NELL1: variants seen among roughly 807,000 people sequenced by gnomAD.
The protein encoded by NELL1 is neural EGFL like 1.
Under a neutral mutation model 107.4 loss-of-function variants are expected in NELL1, and 76 were observed. That is an observed-to-expected ratio of 0.71 (90% CI 0.59 to 0.86). The LOEUF is 0.86. NELL1 is among the 40% of genes least tolerant of loss of function. The pLI is 0.00. For missense variants in NELL1, 1,024 were observed against 1,005.5 expected, an observed-to-expected ratio of 1.02 and a Z score of -0.25; for synonymous variants, 353 against 341.2, an observed-to-expected ratio of 1.03 and a Z score of -0.38.
intron 15 of NELL1, among the ~76,000 whole-genome samples, chr11:21,517,573 T>C (rs1040736791): frequency 4.6e-5 from 7 of 152,174 alleles, no homozygotes; most frequent in Admixed American, 6.5e-5. Context: ...TGGTAGCGTA[T>C]AGACATGTCA....
chr11:21,069,484 G>T (rs1215769391), intron 12 of NELL1, among the ~76,000 whole-genome samples: 1 of 152,128 alleles, frequency 6.6e-6, no homozygotes, highest in African/African-American at 2.4e-5. Context: ...ACTTAATAGA[G>T]GGACTGGCAC....
chr11:20,843,035 C>A (rs1339282031), intron 3 of NELL1, among the ~76,000 whole-genome samples: 1 of 152,020 alleles, frequency 6.6e-6, no homozygotes, highest in Non-Finnish European at 1.5e-5. Context: ...AGGCACTATG[C>A]TGGGAAACTT....
chr11:20,891,657 G>A (rs1170068548), intron 5 of NELL1, among the ~76,000 whole-genome samples: 1 of 152,080 alleles, frequency 6.6e-6, no homozygotes, highest in East Asian at 1.9e-4. Context: ...AAAATAAAGG[G>A]ATGGAGGAAA....
chr11:21,276,300 G>T (rs1848857754), intron 14 of NELL1, among the ~76,000 whole-genome samples: 1 of 152,120 alleles, frequency 6.6e-6, no homozygotes, highest in Non-Finnish European at 1.5e-5. Flanking sequence ...ATTCACAATT[G>T]CTTCAAAGAG....
At chr11:20,894,619 C>T (rs1294045093) in intron 5 of NELL1, among the ~76,000 whole-genome samples, 1 of 152,124 alleles carries the variant, frequency 6.6e-6, no homozygotes, top group Non-Finnish European at 1.5e-5. Flanking sequence ...CAGACCATAC[C>T]ATGTATTTGC....
intron 14 of NELL1, among the ~76,000 whole-genome samples, chr11:21,330,838 A>G (rs1490501798): frequency 2.6e-5 from 4 of 151,934 alleles, no homozygotes; most frequent in Non-Finnish European, 5.9e-5. Flanking sequence ...TTCTTCTGGC[A>G]CCCCAATTTT....
chr11:20,720,485 A>G (rs1850874), intron 2 of NELL1, among the ~76,000 whole-genome samples: 107,244 of 152,030 alleles, frequency 0.71, 40,958 homozygotes, highest in East Asian at 0.95. Flanking sequence ...GGGATTACAG[A>G]CATGAGCCAC....
At chr11:20,682,515 T>C (rs924409818) in intron 2 of NELL1, among the ~76,000 whole-genome samples, 27 of 152,042 alleles carry the variant, frequency 1.8e-4, no homozygotes, top group African/African-American at 6.0e-4. Flanking sequence ...AATTTAAAGT[T>C]AAAAACGTAG....
rs144190498 is a variant in NELL1, at chr11:21,179,525, T to C, written c.1427-49807T>C. On this transcript the variant is annotated intron_variant, in intron 13 of 19. Transcript: ENST00000357134. The stretch of plus-strand genomic sequence containing the variant: ...GGTGAGCACAGGCATGTTTTTAGTA[T>C]GGCAAAGGAAAGTGCAAGACAAGCG... Among the ~76,000 whole-genome samples the C allele has an allele frequency of 3.3e-3, 508 of 151,998 alleles. 2 individuals are homozygous for C. Among genetic ancestry groups the C allele is most frequent in the Non-Finnish European group, 5.6e-3 (379 of 68,028 alleles).
At chr11:21,309,477 A>G (rs1157339827) in intron 14 of NELL1, among the ~76,000 whole-genome samples, 1 of 151,712 alleles carries the variant, frequency 6.6e-6, no homozygotes, top group African/African-American at 2.4e-5. Flanking sequence ...TACCCCTTCC[A>G]AATTGAATGA....
At chr11:21,560,075 C>T (rs1365143466) in intron 16 of NELL1, 114 bp from the exon 17 acceptor site, 15 of 982,478 alleles carry the variant, frequency 1.5e-5, no homozygotes, top group Non-Finnish European at 2.1e-5. Context: ...CTTGGCAGTA[C>T]CTAGCACAAG....
At chr11:21,081,400 T>C (rs1029775604) in intron 12 of NELL1, among the ~76,000 whole-genome samples, 2 of 152,150 alleles carry the variant, frequency 1.3e-5, no homozygotes, top group Non-Finnish European at 2.9e-5. Flanking sequence ...TTCCCCCCTA[T>C]AAACGAAGGT....
At chr11:20,968,017 A>G (rs1444526409) in intron 12 of NELL1, among the ~76,000 whole-genome samples, 2 of 152,136 alleles carry the variant, frequency 1.3e-5, no homozygotes, top group African/African-American at 2.4e-5. Flanking sequence ...CCCTTCACTC[A>G]GATCTTTCCA....
At chr11:20,874,039 G>T (rs1012072799) in intron 4 of NELL1, among the ~76,000 whole-genome samples, 2 of 151,610 alleles carry the variant, frequency 1.3e-5, no homozygotes, top group Admixed American at 1.3e-4. Flanking sequence ...TGCTGGGATT[G>T]CAGGCATGAG....
At chr11:21,358,565 A>ATTTTTTTTTTTT (rs75578174) in intron 14 of NELL1, among the ~76,000 whole-genome samples, 1 of 97,674 alleles carries the variant, frequency 1.0e-5, no homozygotes, top group African/African-American at 3.7e-5. Context: ...TGCCCTGATA[A>ATTTTTTTTTTTT]TTTTTTTTTT....
chr11:21,575,099 T>C lies in NELL1; in HGVS notation c.*77T>C. The C allele has an allele frequency of 1.5e-6, 2 of 1,305,458 alleles. No homozygotes were observed. Among genetic ancestry groups the C allele is most frequent in the South Asian group, 2.4e-5 (2 of 83,120 alleles). The allele number at this position is 1,305,458 out of a possible 1,614,324, so 80.9% of individuals were successfully genotyped here. ...GTGATTAAGGATAGGAATCGGTAGT[T>C]TGGTTTTTTTGTTTGTTTTGTTTTT... On this transcript the variant is annotated 3_prime_UTR_variant, in exon 20 of 20. Transcript: ENST00000357134.
rs116056719 is a variant in NELL1, at chr11:20,822,185, G to A, written c.336-25398G>A. 4.7e-3 allele frequency among the ~76,000 whole-genome samples: 713 copies of A among 152,290 alleles called. 9 individuals are homozygous for A. The highest frequency in any genetic ancestry group is 0.016 in the African/African-American group (682 of 41,556). On this transcript the variant is annotated intron_variant, in intron 3 of 19. Coordinates refer to ENST00000357134, the MANE Select transcript of NELL1 (RefSeq NM_006157.5). ...GAATGACTCATAGGCAAAATAGTAG[G>A]TTGGAAACCAGGCAGACAGACTCCA...
At chr11:21,059,469 C>T (rs1476593049) in intron 12 of NELL1, among the ~76,000 whole-genome samples, 1 of 152,024 alleles carries the variant, frequency 6.6e-6, no homozygotes, top group African/African-American at 2.4e-5. Context: ...CTTTGCTCTT[C>T]TCTTGGATTT....
At chr11:21,483,144 T>G (rs1489664401) in intron 15 of NELL1, among the ~76,000 whole-genome samples, 1 of 152,156 alleles carries the variant, frequency 6.6e-6, no homozygotes, top group Non-Finnish European at 1.5e-5. Context: ...CAGGTACTTA[T>G]AGTATAGTAT....
Sources: allele counts gnomAD v4.1 joint callset (sites outside exome capture counted in the v4.1 genomes callset), GRCh38; gene constraint gnomAD v4.1.1; transcripts MANE v1.5; gene names NCBI Gene and HGNC (gene_info 2026-07-23, HGNC 2026-07-21).